SLC16A2: variants seen among roughly 807,000 people sequenced by gnomAD.
SLC16A2 encodes the protein monocarboxylate transporter 8.
In SLC16A2, 3 loss-of-function variants were observed where a neutral mutation model predicts 27.2. The observed-to-expected ratio is 0.11, with a 90% CI of 0.05 to 0.28. The LOEUF is 0.28. Ranked by LOEUF, SLC16A2 falls within the 10% of genes least tolerant of loss-of-function variation. The pLI is 1.00. For missense variants in SLC16A2, 295 were observed against 458.5 expected (o/e 0.64, Z 3.26); for synonymous variants, 202 against 187.8 (o/e 1.08, Z -0.62).
chrX:74,508,714 C>T (rs949324482), intron 1 of SLC16A2, among the ~76,000 whole-genome samples: 1 of 110,682 alleles, frequency 9.0e-6, no homozygotes, highest in African/African-American at 3.3e-5. Flanking sequence ...TCGTTTTTAA[C>T]TTTTATTTTA....
intron 1 of SLC16A2, among the ~76,000 whole-genome samples, chrX:74,442,228 C>CAAA (rs1278847714): frequency 5.2e-5 from 2 of 38,357 alleles, no homozygotes; most frequent in Non-Finnish European, 1.0e-4. Flanking sequence ...AACTCCGTCT[C>CAAA]AAAAAAAAAA....
chrX:74,478,340 G>A (rs1364967666), intron 1 of SLC16A2, among the ~76,000 whole-genome samples: 1 of 110,946 alleles, frequency 9.0e-6, no homozygotes, highest in Non-Finnish European at 1.9e-5. Context: ...CCATTTGCTT[G>A]GTAGATCTTC....
chrX:74,454,687 C>A (rs1363824603), intron 1 of SLC16A2, among the ~76,000 whole-genome samples: 1 of 110,103 alleles, frequency 9.1e-6, no homozygotes, highest in Non-Finnish European at 1.9e-5. Flanking sequence ...TATGACAAAC[C>A]TGCACGTTGT....
chrX:74,426,137 G>A (rs950297364), intron 1 of SLC16A2, among the ~76,000 whole-genome samples: 4 of 111,923 alleles, frequency 3.6e-5, no homozygotes, highest in Non-Finnish European at 7.5e-5. Context: ...TGTCTCACTG[G>A]ACTGTAACAC....
intron 1 of SLC16A2, among the ~76,000 whole-genome samples, chrX:74,515,934 A>G (rs931044966): frequency 1.8e-5 from 2 of 112,708 alleles, no homozygotes; most frequent in African/African-American, 6.4e-5. Context: ...ACCAGAAAAG[A>G]AACAATAGAA....
At chrX:74,530,052 A>C (rs1194491899) in intron 5 of SLC16A2, among the ~76,000 whole-genome samples, 1 of 106,649 alleles carries the variant, frequency 9.4e-6, no homozygotes, top group Admixed American at 1.0e-4. Context: ...AGGAACAGAA[A>C]ACCAATGACA....
Position 74,430,369 on chromosome X carries a change from G to C in SLC16A2, c.430+8302G>C, listed in dbSNP as rs954473091. ...TGAAGGTGTAGGGGGCAACTACCAA[G>C]GGAGTTGCAGTTTTTCATTCCTGTA... On this transcript the variant is annotated intron_variant, in intron 1 of 5. Coordinates refer to ENST00000587091, the MANE Select transcript of SLC16A2 (RefSeq NM_006517.5). 8.1e-5 allele frequency among the ~76,000 whole-genome samples: 9 copies of C among 111,643 alleles called. No homozygotes were observed. The Admixed American group carries it at 8.6e-4, about 11-fold the overall frequency.
intron 1 of SLC16A2, among the ~76,000 whole-genome samples, chrX:74,453,880 C>CATA (rs1307023457): frequency 8.9e-6 from 1 of 111,796 alleles, no homozygotes; most frequent in Non-Finnish European, 1.9e-5. Flanking sequence ...TTTATTGATA[C>CATA]ATAATAATTG....
At chrX:74,423,369 G>C (rs1362317342) in intron 1 of SLC16A2, among the ~76,000 whole-genome samples, 1 of 112,005 alleles carries the variant, frequency 8.9e-6, no homozygotes, top group East Asian at 2.8e-4. Flanking sequence ...GAGGGGACCT[G>C]GGAATTATTA....
At chrX:74,509,210 C>T (rs1322445163) in intron 1 of SLC16A2, among the ~76,000 whole-genome samples, 5 of 110,499 alleles carry the variant, frequency 4.5e-5, no homozygotes, top group Non-Finnish European at 9.5e-5. Context: ...GTGGTCCACC[C>T]GCCTCGGCCT....
At chrX:74,464,998 G>A (rs1217060192) in intron 1 of SLC16A2, among the ~76,000 whole-genome samples, 1 of 111,859 alleles carries the variant, frequency 8.9e-6, no homozygotes, top group Non-Finnish European at 1.9e-5. Flanking sequence ...AGGGAACATG[G>A]CAACACAGAG....
Position 74,531,818 on chromosome X carries a change from C to T in SLC16A2, c.*265C>T, listed in dbSNP as rs781121741. The T allele has an allele frequency of 2.4e-6, 1 of 409,514 alleles. No individual in the cohort carries two copies. The highest frequency in any genetic ancestry group is 4.1e-5 in the Admixed American group (1 of 24,173). 33.7% of individuals were successfully genotyped at this position (409,514 alleles called of 1,213,427 possible). A position where few individuals can be genotyped will look rare whatever the true frequency, so the allele number is the denominator to read the frequency against. On this transcript the variant is annotated 3_prime_UTR_variant, in exon 6 of 6. Coordinates refer to ENST00000587091, the MANE Select transcript of SLC16A2 (RefSeq NM_006517.5). The stretch of plus-strand genomic sequence containing the variant: ...GAACCACCCCTGGCCTTTGGAACCT[C>T]TCCATATACTTTCTAAGCTCTGGGG...
At chrX:74,508,477 C>T (rs866791271) in intron 1 of SLC16A2, among the ~76,000 whole-genome samples, 2 of 111,826 alleles carry the variant, frequency 1.8e-5, no homozygotes, top group African/African-American at 6.5e-5. Context: ...TATTTTTATT[C>T]GATGTTTAAT....
intron 1 of SLC16A2, among the ~76,000 whole-genome samples, chrX:74,475,562 G>A (rs372115072): frequency 1.3e-4 from 15 of 111,245 alleles, no homozygotes; most frequent in East Asian, 5.6e-4. Flanking sequence ...GCCCATGCCT[G>A]TGTCCTGAAT....
chrX:74,487,304 G>C (rs943723777), intron 1 of SLC16A2, among the ~76,000 whole-genome samples: 1 of 110,815 alleles, frequency 9.0e-6, no homozygotes, highest in Non-Finnish European at 1.9e-5. Flanking sequence ...AGGCCTATTC[G>C]TTGGGGGATA....
chrX:74,517,040 C>T (rs1009022114), intron 1 of SLC16A2, among the ~76,000 whole-genome samples: 2 of 111,859 alleles, frequency 1.8e-5, no homozygotes, highest in Non-Finnish European at 3.8e-5. Flanking sequence ...GACTGTAACA[C>T]AAAGGAGATC....
At chrX:74,448,008 A>T (rs1259258353) in intron 1 of SLC16A2, among the ~76,000 whole-genome samples, 1 of 111,527 alleles carries the variant, frequency 9.0e-6, no homozygotes, top group Non-Finnish European at 1.9e-5. Flanking sequence ...AAAAACACAA[A>T]AAAACCTTTT....
intron 1 of SLC16A2, among the ~76,000 whole-genome samples, chrX:74,449,829 G>C (rs1330818924): frequency 8.9e-6 from 1 of 111,781 alleles, no homozygotes; most frequent in Non-Finnish European, 1.9e-5. Flanking sequence ...ACTCTTTTAA[G>C]TTTGGCAGCT....
intron 1 of SLC16A2, among the ~76,000 whole-genome samples, chrX:74,461,605 A>T (rs1929145943): frequency 9.0e-6 from 1 of 111,519 alleles, no homozygotes; most frequent in African/African-American, 3.3e-5. Flanking sequence ...GGCAACACAC[A>T]TGGTGACCTA....
Sources: allele counts gnomAD v4.1 joint callset (sites outside exome capture counted in the v4.1 genomes callset), GRCh38; gene constraint gnomAD v4.1.1; transcripts MANE v1.5; gene names NCBI Gene and HGNC (gene_info 2026-07-23, HGNC 2026-07-21).